PLEKHF1: variants seen among roughly 807,000 people sequenced by gnomAD.
The protein encoded by PLEKHF1 is pleckstrin homology and FYVE domain containing 1.
PLEKHF1 carries 1 observed loss-of-function variant against 4.1 expected under a neutral mutation model. That is an observed-to-expected ratio of 0.24 (90% CI 0.09 to 1.15). The LOEUF (loss-of-function observed/expected upper bound fraction) is 1.15. Among genes scored for constraint, PLEKHF1 ranks in the 50% most tolerant of loss-of-function variants. PLEKHF1 has a pLI of 0.52. For synonymous variants in PLEKHF1, 182 were observed against 178.5 expected, an observed-to-expected ratio of 1.02 and a Z score of -0.16; for missense variants, 429 against 400.6, an observed-to-expected ratio of 1.07 and a Z score of -0.60.
intron 1 of PLEKHF1, among the ~76,000 whole-genome samples, chr19:29,667,576 C>T (rs528865213): frequency 6.6e-6 from 1 of 152,170 alleles, no homozygotes. Flanking sequence ...TGGCCCTGCA[C>T]GTCCCTGAGC....
chr19:29,666,821 C>CT (rs1248167888), intron 1 of PLEKHF1: 2 of 152,258 alleles, frequency 1.3e-5, no homozygotes, highest in African/African-American at 4.8e-5. Flanking sequence ...CTGGTGAGCT[C>CT]TAAGTGCTCA....
rs1971626792 is a variant in PLEKHF1 at position 29,671,071 on chromosome 19, GTTAT to G, written c.-16-2746_-16-2743del. On this transcript the variant is annotated intron_variant, in intron 1 of 1. Transcript: ENST00000436066. This position sits in a 1 kb window ranked among gnomAD's most constrained non-coding sequence, Gnocchi z 4.0. ...TTTCTCCACACCCTCACCAACACTT[GTTAT>G]TTATTTTTTGTTTTGTTTTTTTCCC... Among the ~76,000 whole-genome samples the G allele has an allele frequency of 6.7e-6, 1 of 150,356 alleles. No homozygotes were observed. Among genetic ancestry groups the G allele is most frequent in the African/African-American group, 2.4e-5 (1 of 40,942 alleles).
In PLEKHF1 at chr19:29,674,577, C is replaced by G. The variant is rs147091446; in HGVS notation, c.738C>G (p.Asp246Glu). Reference protein sequence around the residue: ...RPICGASSGDDDDSDEDKEGS... With the variant: ...RPICGASSGDEDDSDEDKEGS... ...TCTGCGGAGCGTCCAGTGGAGATGACGATGACTCCGACGAGGACAAGGAGG... is the reference window on the plus strand; with the variant it reads ...TCTGCGGAGCGTCCAGTGGAGATGAGGATGACTCCGACGAGGACAAGGAGG... Residue 246 changes from aspartate to glutamate, a missense_variant, in exon 2 of 2, where the codon GAC becomes GAG. By Grantham distance (45) the Asp-to-Glu change is conservative. Transcript: ENST00000436066. 79 of 1,602,228 alleles carry G rather than the reference C, an allele frequency of 4.9e-5. No homozygotes were observed. Among genetic ancestry groups the G allele is most frequent in the Non-Finnish European group, 5.8e-5 (68 of 1,175,358 alleles).
Position 29,673,956 on chromosome 19 carries a change from G to C in PLEKHF1, c.117G>C (p.Glu39Asp). The change falls in exon 2 of 2, where the codon GAG becomes GAC. Residue 39 changes from glutamate to aspartate, a missense_variant. Glu to Asp is a conservative substitution (Grantham distance 45). Transcript: ENST00000436066. The part of the protein sequence containing the change: ...LALPGRVLLG[E>D]GVLTKECRKK... ...TGCCAGGCCGAGTGCTGCTGGGCGAGGGCGTGCTGACCAAAGAGTGCCGCA... is the reference window on the plus strand; with the variant it reads ...TGCCAGGCCGAGTGCTGCTGGGCGACGGCGTGCTGACCAAAGAGTGCCGCA... The C allele has an allele frequency of 6.2e-7, 1 of 1,613,872 alleles. No homozygotes were observed. Among genetic ancestry groups the C allele is most frequent in the Non-Finnish European group, 8.5e-7 (1 of 1,179,946 alleles).
rs1971630854 is a variant in PLEKHF1 at position 29,671,422 on chromosome 19, A to G, written c.-16-2402A>G. 6.6e-6 allele frequency among the ~76,000 whole-genome samples: 1 copy of G among 152,124 alleles called. No homozygotes were observed. The highest frequency in any genetic ancestry group is 2.4e-5 in the African/African-American group (1 of 41,412). ...TTGCCGTCAGACCACATTGATCTGT[A>G]TCTCTCATTGCGTGAGTAGCCCCGG... On this transcript the variant is annotated intron_variant, in intron 1 of 1. Transcript: ENST00000436066. This position sits in a 1 kb window ranked among gnomAD's most constrained non-coding sequence, Gnocchi z 4.0.
At chr19:29,669,020 C>A (rs73546185) in intron 1 of PLEKHF1, among the ~76,000 whole-genome samples, 2,866 of 152,294 alleles carry the variant, frequency 0.019, 99 homozygotes, top group African/African-American at 0.066. Context: ...CCCCTCCTCG[C>A]CCTTCCTGGT....
chr19:29,666,826 T>G (rs994729393), intron 1 of PLEKHF1: 1 of 152,288 alleles, frequency 6.6e-6, no homozygotes, highest in Non-Finnish European at 1.5e-5. Flanking sequence ...GAGCTCTAAG[T>G]GCTCAGTCGG....
At position 29,674,470 on chromosome 19, in the gene PLEKHF1, C is replaced by G. The variant is rs967487202; in HGVS notation, c.631C>G (p.Leu211Val). 6.5e-7 allele frequency: 1 copy of G among 1,541,434 alleles called. No homozygotes were observed. The highest frequency in any genetic ancestry group is 2.4e-5 in the East Asian group (1 of 40,956). Residue 211 changes from leucine (L) to valine (V), a missense_variant, in exon 2 of 2, where the codon CTG becomes GTG. Leu to Val is a conservative substitution (Grantham distance 32). Coordinates refer to ENST00000436066, the MANE Select transcript of PLEKHF1 (RefSeq NM_024310.5). Reference protein sequence around the residue: ...VRVCSLCYRELAAQQRQEEAE... With the variant: ...VRVCSLCYREVAAQQRQEEAE... Reference sequence around the variant, plus strand: ...CGTCTGCAGCCTCTGCTACCGCGAACTGGCCGCCCAGCAGCGGCAGGAGGA... The same window carrying G: ...CGTCTGCAGCCTCTGCTACCGCGAAGTGGCCGCCCAGCAGCGGCAGGAGGA...
At position 29,674,018 on chromosome 19, in the gene PLEKHF1, A is replaced by T. The variant is rs758976559; in HGVS notation, c.179A>T (p.Asp60Val). 1.9e-6 allele frequency: 3 copies of T among 1,614,106 alleles called. No homozygotes were observed. In the Admixed American group the frequency reaches 5.0e-5, roughly 27 times the overall value. ...CCGCGCATCTTCTTCCTCTTTAACG[A>T]CATCCTGGTGTATGGCAGCATCGTG... ...AKPRIFFLFN[D>V]ILVYGSIVLN... The change falls in exon 2 of 2, where the codon GAC becomes GTC. Residue 60 changes from aspartate to valine, a missense_variant. Asp to Val is a radical substitution (Grantham distance 152). Coordinates refer to ENST00000436066, the MANE Select transcript of PLEKHF1 (RefSeq NM_024310.5).
At chr19:29,668,740 GAA>G (rs1280932958) in intron 1 of PLEKHF1, among the ~76,000 whole-genome samples, 1 of 151,280 alleles carries the variant, frequency 6.6e-6, no homozygotes, top group Admixed American at 6.6e-5. Flanking sequence ...AAAAAAGAAA[GAA>G]AGAAAAAAGC....
chr19:29,665,656 C>T lies in PLEKHF1; in HGVS notation c.-17+151C>T, dbSNP rs887391259. ...CCGGCGGGGCGCAGTGCCGCTGACT[C>T]CAGCCCAAGAAGAGGCCTGGGAAGG... On this transcript the variant is annotated intron_variant, in intron 1 of 1. Transcript: ENST00000436066. 1.4e-5 allele frequency: 16 copies of T among 1,139,398 alleles called. No homozygotes were observed. In the Admixed American group the frequency reaches 7.2e-4, roughly 51 times the overall value. The allele number at this position is 1,139,398 out of a possible 1,614,324, so 70.6% of individuals were successfully genotyped here.
chr19:29,665,740 G>A (rs965016268), intron 1 of PLEKHF1: 54 of 1,080,826 alleles, frequency 5.0e-5, no homozygotes, highest in Non-Finnish European at 6.1e-5. Flanking sequence ...GCGGTCAGGG[G>A]TCAGAGCGTC....
intron 1 of PLEKHF1, among the ~76,000 whole-genome samples, chr19:29,672,879 G>A (rs748732860): frequency 3.3e-4 from 50 of 152,192 alleles, no homozygotes; most frequent in Non-Finnish European, 4.9e-4. Context: ...CTTCAAGGTC[G>A]TGAGTCTGGT....
intron 1 of PLEKHF1, among the ~76,000 whole-genome samples, chr19:29,668,851 A>G (rs759356325): frequency 2.0e-5 from 3 of 152,174 alleles, no homozygotes; most frequent in Non-Finnish European, 4.4e-5. Flanking sequence ...GAAGGTGAGC[A>G]TGCCGGGGCA....
chr19:29,665,694 G>A (rs7251666), intron 1 of PLEKHF1, 189 bp downstream of exon 1: 1 of 1,106,554 alleles, frequency 9.0e-7, no homozygotes. Flanking sequence ...GCTCCTGGGC[G>A]GCTTGCGGGG....
chr19:29,668,745 A>G (rs1971597622), intron 1 of PLEKHF1, among the ~76,000 whole-genome samples: 2 of 151,978 alleles, frequency 1.3e-5, no homozygotes, highest in African/African-American at 4.8e-5. Flanking sequence ...AGAAAGAAAG[A>G]AAAAAGCATT....
chr19:29,670,375 A>C (rs1375391842), intron 1 of PLEKHF1, among the ~76,000 whole-genome samples: 1 of 152,240 alleles, frequency 6.6e-6, no homozygotes, highest in Non-Finnish European at 1.5e-5. Flanking sequence ...AAGTTATTAC[A>C]GTATTTGTCC....
chr19:29,673,338 C>T (rs956224819), intron 1 of PLEKHF1, among the ~76,000 whole-genome samples: 5 of 151,724 alleles, frequency 3.3e-5, no homozygotes, highest in African/African-American at 7.3e-5. Context: ...GGCTCCCCAG[C>T]GGGGCTGAAC....
In PLEKHF1 at chr19:29,674,245, G is replaced by GCCA. The variant is rs1172665309; in HGVS notation, c.408_410dup (p.Thr137dup). 2.5e-6 allele frequency: 4 copies of GCCA among 1,608,830 alleles called. No individual in the cohort carries two copies. The Admixed American group carries it at 5.0e-5, about 20-fold the overall frequency. ...GGAGTGCGTGCGGCGGCAACTGAGG[G>GCCA]CCACGGGCCGCCCGCCCAGCACGGA... is the stretch of plus-strand genomic sequence containing the variant. On this transcript the variant is annotated inframe_insertion, in exon 2 of 2. Transcript: ENST00000436066.
Sources: gnomAD v4.1 joint callset for allele counts (sites outside exome capture counted in the v4.1 genomes callset) on GRCh38, gnomAD v4.1.1 for gene constraint, Gnocchi (gnomAD v3.1) non-coding constraint, MANE v1.5 for transcripts, NCBI Gene and HGNC (gene_info 2026-07-23, HGNC 2026-07-21) for gene names.